ANKRD30BL: variants seen among roughly 807,000 people sequenced by gnomAD.
ANKRD30BL encodes putative ankyrin repeat domain-containing protein 30B-like.
Under a neutral mutation model 18.4 loss-of-function variants are expected in ANKRD30BL, and 20 were observed. The observed-to-expected ratio is 1.09, with a 90% CI of 0.77 to 1.58. The LOEUF (loss-of-function observed/expected upper bound fraction) is 1.58, where lower values mean the gene tolerates loss of function less well. Among genes scored for constraint, ANKRD30BL ranks in the 40% most tolerant of loss-of-function variants. The pLI is 0.00. For synonymous variants in ANKRD30BL, 72 were observed against 100.9 expected (o/e 0.71, Z 1.72); for missense variants, 224 against 268.6 (o/e 0.83, Z 1.16).
intron 1 of ANKRD30BL, among the ~76,000 whole-genome samples, chr2:132,203,538 T>C (rs1204293400): frequency 3.3e-5 from 5 of 152,250 alleles, no homozygotes; most frequent in Admixed American, 6.5e-5. Context: ...TTAATTTCTT[T>C]AAATATTTAT....
intron 1 of ANKRD30BL, among the ~76,000 whole-genome samples, chr2:132,200,349 A>G (rs1679070588): frequency 6.6e-6 from 1 of 152,094 alleles, no homozygotes; most frequent in Non-Finnish European, 1.5e-5. Flanking sequence ...AGAGGAAGTC[A>G]AATTGTCCCT....
Position 132,190,704 on chromosome 2 carries a change from G to A in ANKRD30BL, n.442-33558C>T, listed in dbSNP as rs562521847. ...TGGGTAAACATAATTGATCCATGCT[G>A]CTATAAAAGATAATCAAAGCTAAAG... On this transcript the variant is annotated intron_variant and non_coding_transcript_variant, in intron 1 of 4. Transcript: ENST00000470729. Among the ~76,000 whole-genome samples the A allele has an allele frequency of 1.9e-3, 295 of 152,332 alleles. 1 individual carries two copies. Among genetic ancestry groups the A allele is most frequent in the African/African-American group, 6.8e-3 (282 of 41,578 alleles).
intron 1 of ANKRD30BL, among the ~76,000 whole-genome samples, chr2:132,249,925 A>G (rs866015106): frequency 1.3e-5 from 2 of 152,198 alleles, no homozygotes; most frequent in East Asian, 3.9e-4. Context: ...CCTCTGTGAG[A>G]TGAACACACA....
At chr2:132,237,026 C>CA (rs1205914213) in intron 1 of ANKRD30BL, among the ~76,000 whole-genome samples, 1 of 150,724 alleles carries the variant, frequency 6.6e-6, no homozygotes, top group Non-Finnish European at 1.5e-5. Flanking sequence ...ATCGCAAGAA[C>CA]AAAAAACCAA....
chr2:132,160,686 C>T (rs1487089755), intron 1 of ANKRD30BL, among the ~76,000 whole-genome samples: 13 of 151,912 alleles, frequency 8.6e-5, no homozygotes, highest in Non-Finnish European at 1.6e-4. Context: ...CCTCGGCCTC[C>T]CAAAGTGCTG....
intron 1 of ANKRD30BL, among the ~76,000 whole-genome samples, chr2:132,214,013 T>C (rs1679424651): frequency 6.6e-6 from 1 of 152,114 alleles, no homozygotes; most frequent in African/African-American, 2.4e-5. Flanking sequence ...ACAGAAGCAT[T>C]CTGTGAAACT....
At chr2:132,231,811 G>A (rs1157074742) in intron 1 of ANKRD30BL, among the ~76,000 whole-genome samples, 1 of 152,236 alleles carries the variant, frequency 6.6e-6, no homozygotes, top group Non-Finnish European at 1.5e-5. Context: ...AAGCAGCCAG[G>A]AAGCTCGAAC....
At chr2:132,250,128 G>A (rs1441774705) in intron 1 of ANKRD30BL, among the ~76,000 whole-genome samples, 1 of 151,710 alleles carries the variant, frequency 6.6e-6, no homozygotes, top group African/African-American at 2.4e-5. Flanking sequence ...TAGTTTCTCA[G>A]AAAGCTTCTA....
Position 132,227,658 on chromosome 2 carries a change from T to G in ANKRD30BL, n.441+29871A>C, listed in dbSNP as rs536146346. 5.7e-4 allele frequency among the ~76,000 whole-genome samples: 86 copies of G among 152,154 alleles called. 3 individuals carry two copies. The highest frequency in any genetic ancestry group is 2.1e-4 in the Non-Finnish European group (14 of 68,012). ...TTGGGAAGTTCTGAAACACTCTTTT[T>G]GTAGAATCCGCTAGTGGACATTTGT... is the stretch of plus-strand genomic sequence containing the variant. On this transcript the variant is annotated intron_variant and non_coding_transcript_variant, in intron 1 of 4. Coordinates refer to the ANKRD30BL transcript ENST00000470729.
At chr2:132,153,856 G>A (rs754079383) in intron 4 of ANKRD30BL, among the ~76,000 whole-genome samples, 252 of 152,244 alleles carry the variant, frequency 1.7e-3, no homozygotes, top group Non-Finnish European at 2.9e-3. Context: ...AGGAAGGGGT[G>A]AAAAGACTCA....
intron 1 of ANKRD30BL, among the ~76,000 whole-genome samples, chr2:132,201,625 TAA>T (rs1679100286): frequency 6.6e-6 from 1 of 152,084 alleles, no homozygotes; most frequent in South Asian, 2.1e-4. Flanking sequence ...TGGCAATCAT[TAA>T]AAAGTCAGGA....
chr2:132,174,100 C>G (rs1053264127), intron 1 of ANKRD30BL, among the ~76,000 whole-genome samples: 1 of 152,168 alleles, frequency 6.6e-6, no homozygotes, highest in African/African-American at 2.4e-5. Flanking sequence ...CTAAAGGGGC[C>G]TTTCATTTGT....
intron 1 of ANKRD30BL, among the ~76,000 whole-genome samples, chr2:132,211,319 T>C (rs1199444419): frequency 6.6e-6 from 1 of 152,066 alleles, no homozygotes; most frequent in African/African-American, 2.4e-5. Flanking sequence ...TTGAGCAGTT[T>C]TGAAACACTC....
At chr2:132,160,418 T>TC (rs1688023780) in intron 1 of ANKRD30BL, among the ~76,000 whole-genome samples, 2 of 143,758 alleles carry the variant, frequency 1.4e-5, no homozygotes, top group Non-Finnish European at 3.0e-5. Context: ...TTTTTTTTTT[T>TC]CAAATTTTAT....
At chr2:132,240,535 A>C (rs559452303) in intron 1 of ANKRD30BL, among the ~76,000 whole-genome samples, 3 of 151,910 alleles carry the variant, frequency 2.0e-5, no homozygotes, top group Non-Finnish European at 4.4e-5. Flanking sequence ...CTTCCTTTTG[A>C]TGGGTGTACT....
At chr2:132,219,051 C>G (rs1283808883) in intron 1 of ANKRD30BL, among the ~76,000 whole-genome samples, 1 of 151,718 alleles carries the variant, frequency 6.6e-6, no homozygotes, top group Non-Finnish European at 1.5e-5. Context: ...TTGAACCTTT[C>G]TTTTGATAGA....
intron 1 of ANKRD30BL, among the ~76,000 whole-genome samples, chr2:132,256,493 C>G (rs943367814): frequency 6.6e-6 from 1 of 152,234 alleles, no homozygotes; most frequent in Admixed American, 6.5e-5. Context: ...GGGGCGGCCC[C>G]GACGTTTGGG....
At chr2:132,257,770 AAAAATCTGCGTGCGGC>A (rs1680909817) in exon 1 of ANKRD30BL, 1 of 153,404 alleles carries the variant, frequency 6.5e-6, no homozygotes, top group Non-Finnish European at 1.5e-5. Context: ...CGGTACCAGG[AAAAATCTGCGTGCGGC>A]AACCTTGAGC....
chr2:132,192,941 T>C (rs544343802), intron 1 of ANKRD30BL, among the ~76,000 whole-genome samples: 2 of 152,306 alleles, frequency 1.3e-5, no homozygotes, highest in East Asian at 1.9e-4. Context: ...AGTCAGTGGG[T>C]GAATCATCTG....
Sources: allele counts gnomAD v4.1 joint callset (sites outside exome capture counted in the v4.1 genomes callset), GRCh38; gene constraint gnomAD v4.1.1; transcripts MANE v1.5; gene names NCBI Gene and HGNC (gene_info 2026-07-23, HGNC 2026-07-21).